Variants in NOS1 observed in about 807,000 individuals in gnomAD.
NOS1 encodes NOS type I.
NOS1 carries 51 observed loss-of-function variants against 164.5 expected under a neutral mutation model. The ratio of observed to expected loss-of-function variants is 0.31; its 90% CI spans 0.25 to 0.39. The LOEUF is 0.39. Among genes scored for constraint, NOS1 ranks in the 10% least tolerant of loss-of-function variants. The pLI, the probability that NOS1 is intolerant of heterozygous loss-of-function variation, is 1.00. For synonymous variants in NOS1, 719 were observed against 745.8 expected (o/e 0.96, Z 0.59); for missense variants, 1,362 against 1,885.6 (o/e 0.72, Z 5.14).
chr12:117,315,106 T>TA (rs147303277), intron 2 of NOS1, among the ~76,000 whole-genome samples: 4 of 152,102 alleles, frequency 2.6e-5, no homozygotes, highest in African/African-American at 4.8e-5. Flanking sequence ...ATTCTTTTTT[T>TA]AAAAAAAATC....
At chr12:117,334,831 GAATA>G (rs1279143748) in intron 1 of NOS1, among the ~76,000 whole-genome samples, 32 of 152,300 alleles carry the variant, frequency 2.1e-4, no homozygotes, top group Admixed American at 5.9e-4. Context: ...CTTTACAGAT[GAATA>G]AATTAAGCTG....
rs1323976187 is a variant in NOS1, at chr12:117,272,335, C to T, written c.1839+50G>A. On this transcript the variant is annotated intron_variant, in intron 10 of 28. Transcript: ENST00000317775. The surrounding 1 kb of genome is among the most constrained non-coding windows in gnomAD (Gnocchi z 4.3). ...GTGGGGAAGGGGACTGCTGAGCTGG[C>T]ACCCTCTGCTATGTGCTTTTCCCCT... The T allele has an allele frequency of 3.1e-6, 5 of 1,601,948 alleles. No homozygotes were observed. The South Asian group carries it at 4.4e-5, about 14-fold the overall frequency.
At chr12:117,317,240 C>A (rs1593017793) in intron 2 of NOS1, among the ~76,000 whole-genome samples, 1 of 151,726 alleles carries the variant, frequency 6.6e-6, no homozygotes, top group East Asian at 1.9e-4. Context: ...ATGGACAGGG[C>A]CTCTTTTGAC....
chr12:117,307,892 G>A (rs1261273184), intron 3 of NOS1, among the ~76,000 whole-genome samples: 1 of 151,920 alleles, frequency 6.6e-6, no homozygotes, highest in Non-Finnish European at 1.5e-5. Flanking sequence ...GCACACACCT[G>A]TAATTCCAGC....
At chr12:117,252,810 C>T (rs1445010215) in intron 17 of NOS1, among the ~76,000 whole-genome samples, 1 of 152,214 alleles carries the variant, frequency 6.6e-6, no homozygotes, top group African/African-American at 2.4e-5. Context: ...ATCTACTACG[C>T]ATTGCTCTGA....
intron 3 of NOS1, chr12:117,309,190 G>C (rs1174073481): frequency 5.4e-6 from 1 of 185,426 alleles, no homozygotes; most frequent in East Asian, 1.9e-4. Context: ...GTTTCCTAAT[G>C]CTTCAGTGTG....
At position 117,210,751 on chromosome 12, in the gene NOS1, G is replaced by A. The variant is rs1367576500; in HGVS notation, c.*4558C>T. On this transcript the variant is annotated 3_prime_UTR_variant, in exon 29 of 29. Transcript: ENST00000317775. ...CTGCTGAAAGCGTGTTTGGTCAGAAGATTCTGTGTTCTTAGCCAATGTCTA... is the reference window on the plus strand; with the variant it reads ...CTGCTGAAAGCGTGTTTGGTCAGAAAATTCTGTGTTCTTAGCCAATGTCTA... The A allele has an allele frequency of 1.1e-5, 11 of 985,352 alleles. No individual in the cohort carries two copies. Among genetic ancestry groups the A allele is most frequent in the Non-Finnish European group, 1.3e-5 (11 of 829,968 alleles). The allele number at this position is 985,352 out of a possible 1,614,324, so 61.0% of individuals were successfully genotyped here.
At chr12:117,326,894 C>T (rs1027492606) in intron 2 of NOS1, among the ~76,000 whole-genome samples, 1 of 152,192 alleles carries the variant, frequency 6.6e-6, no homozygotes, top group Non-Finnish European at 1.5e-5. Context: ...CACCAATCCT[C>T]GTGTCCCAGA....
chr12:117,210,339 A>G lies in NOS1; in HGVS notation c.*4970T>C. On this transcript the variant is annotated 3_prime_UTR_variant, in exon 29 of 29. Transcript: ENST00000317775. ...GACTATGAAGGTTGGGGACAGCCAG[A>G]GAGTATGAATGGGTTATAAAGGAAG... 3 of 985,208 alleles carry G rather than the reference A, an allele frequency of 3.0e-6. No homozygotes were observed. Among genetic ancestry groups the G allele is most frequent in the Non-Finnish European group, 3.6e-6 (3 of 829,906 alleles). 61.0% of individuals were successfully genotyped at this position (985,208 alleles called of 1,614,324 possible).
intron 20 of NOS1, among the ~76,000 whole-genome samples, chr12:117,238,374 A>G (rs531749204): frequency 8.7e-4 from 133 of 152,268 alleles, no homozygotes; most frequent in African/African-American, 3.1e-3. Context: ...CGCCTGGTCC[A>G]ACCAATATTT....
At chr12:117,321,628 C>T (rs978417714) in intron 2 of NOS1, among the ~76,000 whole-genome samples, 1 of 152,062 alleles carries the variant, frequency 6.6e-6, no homozygotes, top group Non-Finnish European at 1.5e-5. Context: ...TGGGCAAGAT[C>T]AGAATAAAAG....
chr12:117,222,683 G>C, intron 26 of NOS1, 32 bp downstream of exon 26: 1 of 1,607,952 alleles, frequency 6.2e-7, no homozygotes, highest in Non-Finnish European at 8.5e-7. Context: ...TGTGTGTTGG[G>C]CTGGGCTAGG....
intron 22 of NOS1, among the ~76,000 whole-genome samples, chr12:117,231,634 A>C (rs1306938374): frequency 6.6e-6 from 1 of 152,208 alleles, no homozygotes; most frequent in East Asian, 1.9e-4. Flanking sequence ...GCATGGTGAG[A>C]TCCTGTTTCT....
chr12:117,330,442 C>T lies in NOS1; in HGVS notation c.628G>A (p.Glu210Lys), dbSNP rs779502186. Residue 210 changes from glutamate (E) to lysine (K), a missense_variant, in exon 2 of 29, where the codon GAG becomes AAG. This residue lies in a region of NOS1 where 362 missense variants were observed against 402.0 expected (regional missense o/e 0.90). Coordinates refer to ENST00000317775, the MANE Select transcript of NOS1 (RefSeq NM_000620.5). The surrounding 1 kb of genome is among the most constrained non-coding windows in gnomAD (Gnocchi z 4.6). ...GENNELLKEI[E>K]PVLSLLTSGS... ...CTGGTGAGAAGGCTCAGCACAGGCT[C>T]TATCTCCTTGAGCAGTTCATTGTTC... The T allele has an allele frequency of 1.2e-6, 2 of 1,614,236 alleles. No individual in the cohort carries two copies. The highest frequency in any genetic ancestry group is 1.7e-5 in the Admixed American group (1 of 60,024).
At chr12:117,242,501 G>A (rs959592733) in intron 20 of NOS1, 126 bp downstream of exon 20, 7 of 781,982 alleles carry the variant, frequency 9.0e-6, no homozygotes, top group African/African-American at 8.5e-5. Context: ...AGCAGCAAGG[G>A]GGTCTCTATG....
At position 117,210,973 on chromosome 12, in the gene NOS1, TG is replaced by T; in HGVS notation, c.*4335del. Reference sequence around the variant, plus strand: ...TTATTTTATTTTATTTTATTTTTTTTGAGATAAGAGTCTTGCTCTGTCACCC... The same window carrying T: ...TTATTTTATTTTATTTTATTTTTTTTAGATAAGAGTCTTGCTCTGTCACCC... On this transcript the variant is annotated 3_prime_UTR_variant, in exon 29 of 29. Transcript: ENST00000317775. The T allele has an allele frequency of 1.1e-6, 1 of 949,482 alleles. No individual in the cohort carries two copies. Among genetic ancestry groups the T allele is most frequent in the Non-Finnish European group, 1.3e-6 (1 of 797,372 alleles). 58.8% of individuals were successfully genotyped at this position (949,482 alleles called of 1,614,324 possible).
chr12:117,269,332 AGGGTGGTACATAAG>A (rs1260014503), intron 10 of NOS1, among the ~76,000 whole-genome samples: 2 of 152,016 alleles, frequency 1.3e-5, no homozygotes, highest in Non-Finnish European at 2.9e-5. Context: ...GGGTGTTTGG[AGGGTGGTACATAAG>A]GGGTAATTGG....
intron 2 of NOS1, among the ~76,000 whole-genome samples, chr12:117,314,374 T>A (rs1019910552): frequency 6.6e-6 from 1 of 152,174 alleles, no homozygotes; most frequent in East Asian, 1.9e-4. Flanking sequence ...CACATGACCA[T>A]AAATGAGGAT....
At chr12:117,295,243 T>G (rs1873330859) in intron 3 of NOS1, among the ~76,000 whole-genome samples, 1 of 152,264 alleles carries the variant, frequency 6.6e-6, no homozygotes, top group Non-Finnish European at 1.5e-5. Context: ...GCCCACTGTC[T>G]GTTTTTGTAC....
Sources: gnomAD v4.1 joint callset for allele counts (sites outside exome capture counted in the v4.1 genomes callset) on GRCh38, gnomAD v4.1.1 for gene constraint, gnomAD v4.1.1 regional missense constraint, Gnocchi (gnomAD v3.1) non-coding constraint, MANE v1.5 for transcripts, NCBI Gene and HGNC (gene_info 2026-07-23, HGNC 2026-07-21) for gene names.